The following WDPCP variants were observed in gnomAD, a reference collection of about 807,000 sequenced individuals.
WDPCP encodes the protein WD repeat-containing and planar cell polarity effector protein fritz homolog.
WDPCP carries 71 observed loss-of-function variants against 93.1 expected under a neutral mutation model. The observed-to-expected ratio is 0.76, with a 90% CI of 0.63 to 0.93. The LOEUF (loss-of-function observed/expected upper bound fraction) is 0.93. Ranked by LOEUF, WDPCP falls within the 40% of genes least tolerant of loss-of-function variation. WDPCP has a pLI of 0.00. For missense variants in WDPCP, 844 were observed against 887.4 expected, an observed-to-expected ratio of 0.95 and a Z score of 0.62; for synonymous variants, 315 against 315.0, an observed-to-expected ratio of 1.00 and a Z score of 0.00.
intron 12 of WDPCP, among the ~76,000 whole-genome samples, chr2:63,353,510 T>G (rs75298857): frequency 0.016 from 2,371 of 152,254 alleles, 64 homozygotes; most frequent in African/African-American, 0.054. Context: ...GCCACAATCT[T>G]TGCTATTTGG....
intron 12 of WDPCP, among the ~76,000 whole-genome samples, chr2:63,337,413 A>T (rs762159837): frequency 3.9e-5 from 6 of 152,048 alleles, no homozygotes; most frequent in Admixed American, 6.6e-5. Flanking sequence ...TTGCTTCCAT[A>T]TTTTGGCTAT....
At chr2:63,560,211 A>G (rs1412028803) in intron 1 of WDPCP, among the ~76,000 whole-genome samples, 1 of 152,178 alleles carries the variant, frequency 6.6e-6, no homozygotes, top group Non-Finnish European at 1.5e-5. Flanking sequence ...TGACAAGAGC[A>G]AAAATCCGTC....
intron 3 of WDPCP, among the ~76,000 whole-genome samples, chr2:63,618,163 C>T (rs1472368318): frequency 1.3e-5 from 2 of 152,106 alleles, no homozygotes; most frequent in African/African-American, 2.4e-5. Flanking sequence ...GAACAATTTT[C>T]TTTTCTGCTC....
chr2:63,212,949 A>G (rs1007659830), intron 14 of WDPCP, among the ~76,000 whole-genome samples: 20 of 152,226 alleles, frequency 1.3e-4, no homozygotes, highest in Non-Finnish European at 2.8e-4. Context: ...TGCACCCAGT[A>G]CAGGAGCACC....
In WDPCP at chr2:63,242,029, T is replaced by G. The variant is rs529013457; in HGVS notation, c.1915+17278A>C. ...TAGGAAGATAAATAATGATTCCAAT[T>G]TTGTTAAATATATGCATAGAAAAAA... On this transcript the variant is annotated intron_variant, in intron 14 of 17. Transcript: ENST00000272321. Among the ~76,000 whole-genome samples the G allele has an allele frequency of 3.3e-5, 5 of 152,306 alleles. No individual in the cohort carries two copies. The South Asian group carries it at 6.2e-4, about 19-fold the overall frequency.
upstream of WDPCP, among the ~76,000 whole-genome samples, chr2:63,830,103 A>G (rs1270626114): frequency 2.0e-5 from 3 of 152,142 alleles, no homozygotes; most frequent in African/African-American, 7.2e-5. Context: ...GAGAAGCATC[A>G]TCAGCCTATC....
At chr2:63,824,528 A>G (rs1206089295) in intron 1 of WDPCP, among the ~76,000 whole-genome samples, 4 of 94,040 alleles carry the variant, frequency 4.3e-5, no homozygotes, top group Non-Finnish European at 7.6e-5. Flanking sequence ...AGCCTGGGCG[A>G]CCATGTTTCA....
chr2:63,571,829 T>C lies in WDPCP; in HGVS notation c.75+16368A>G, dbSNP rs529728117. Among the ~76,000 whole-genome samples the C allele has an allele frequency of 2.4e-4, 37 of 152,380 alleles. No homozygotes were observed. The South Asian group carries it at 7.5e-3, about 31-fold the overall frequency. ...TTAATTCATGTAGTCTACTGGGTTA[T>C]AATTCAGCAACCTAATTATTTCAGC... On this transcript the variant is annotated intron_variant, in intron 1 of 17. Transcript: ENST00000272321.
At position 63,293,524 on chromosome 2, in the gene WDPCP, G is replaced by A. The variant is rs556213842; in HGVS notation, c.1812+19724C>T. Among the ~76,000 whole-genome samples, 10 of 151,746 alleles carry A rather than the reference G, an allele frequency of 6.6e-5. 1 individual carries two copies. The East Asian group carries it at 1.9e-3, about 29-fold the overall frequency. On this transcript the variant is annotated intron_variant, in intron 13 of 17. Coordinates refer to ENST00000272321, the MANE Select transcript of WDPCP (RefSeq NM_015910.7). ...TAGGAAAGTATGGCCTATTTTAAGA[G>A]GAAAAAATAAACAGAAACTGTCCCT...
chr2:63,759,987 C>A (rs1444448435), intron 2 of WDPCP, among the ~76,000 whole-genome samples: 2 of 152,050 alleles, frequency 1.3e-5, no homozygotes, highest in Non-Finnish European at 2.9e-5. Context: ...TGGGTGGGGG[C>A]AGTAAGAGGG....
intron 1 of WDPCP, among the ~76,000 whole-genome samples, chr2:63,495,791 G>A (rs1701189047): frequency 6.6e-6 from 1 of 151,896 alleles, no homozygotes; most frequent in East Asian, 1.9e-4. Flanking sequence ...AAATTTGTAT[G>A]GAAAAAAATA....
At chr2:63,769,534 T>C (rs1479333375) in intron 2 of WDPCP, among the ~76,000 whole-genome samples, 2 of 151,994 alleles carry the variant, frequency 1.3e-5, no homozygotes, top group African/African-American at 4.8e-5. Context: ...GAGATTGGCC[T>C]GTGTTTCTTT....
In WDPCP at chr2:63,599,127, A is replaced by G. The variant is rs1709373713; in HGVS notation, n.488+51532T>C. On this transcript the variant is annotated intron_variant and non_coding_transcript_variant, in intron 3 of 4. Coordinates refer to the WDPCP transcript ENST00000467687. The stretch of plus-strand genomic sequence containing the variant: ...AAATTTTAACATAGATTAGTTAGTA[A>G]CTATATAGTCTGTAACTCTTCAGTG... 4 of 1,588,808 alleles carry G rather than the reference A, an allele frequency of 2.5e-6. No homozygotes were observed. In the East Asian group the frequency reaches 6.8e-5, roughly 27 times the overall value.
At chr2:63,605,019 T>G in intron 3 of WDPCP, 1 of 760,964 alleles carries the variant, frequency 1.3e-6, no homozygotes, top group Non-Finnish European at 2.1e-6. Flanking sequence ...AGTCATGATC[T>G]AGTGTGATCT....
intron 13 of WDPCP, among the ~76,000 whole-genome samples, chr2:63,303,761 A>T (rs1685507003): frequency 6.6e-6 from 1 of 152,196 alleles, no homozygotes; most frequent in Non-Finnish European, 1.5e-5. Context: ...ATGCTAAAGA[A>T]GGCCTTGGTA....
At chr2:63,334,314 AAC>A (rs1688196055) in intron 12 of WDPCP, among the ~76,000 whole-genome samples, 1 of 152,060 alleles carries the variant, frequency 6.6e-6, no homozygotes, top group Non-Finnish European at 1.5e-5. Context: ...GCGTGCCTGT[AAC>A]ACAGCATCAG....
chr2:63,516,209 G>T (rs1014924925), intron 1 of WDPCP, among the ~76,000 whole-genome samples: 2 of 151,934 alleles, frequency 1.3e-5, no homozygotes, highest in African/African-American at 4.8e-5. Flanking sequence ...GACATATTTT[G>T]GGGTACATGT....
intron 15 of WDPCP, among the ~76,000 whole-genome samples, chr2:63,157,718 G>A (rs957498086): frequency 6.6e-6 from 1 of 152,032 alleles, no homozygotes; most frequent in Admixed American, 6.5e-5. Context: ...TGTCGGTAAA[G>A]TTTAAGATAA....
chr2:63,350,824 C>T (rs1056438019), intron 12 of WDPCP, among the ~76,000 whole-genome samples: 2 of 152,048 alleles, frequency 1.3e-5, no homozygotes, highest in African/African-American at 4.8e-5. Context: ...GCTTTGTTTA[C>T]CTACTAAATG....
Sources: allele counts gnomAD v4.1 joint callset (sites outside exome capture counted in the v4.1 genomes callset), GRCh38; gene constraint gnomAD v4.1.1; transcripts MANE v1.5; gene names NCBI Gene and HGNC (gene_info 2026-07-23, HGNC 2026-07-21).